NCOA7: variants seen among roughly 807,000 people sequenced by gnomAD.
NCOA7 encodes nuclear receptor coactivator 7.
In NCOA7, 45 loss-of-function variants were observed where a neutral mutation model predicts 104.3. The ratio of observed to expected loss-of-function variants is 0.43; its 90% CI spans 0.34 to 0.55. The LOEUF (loss-of-function observed/expected upper bound fraction) is 0.55, where lower values mean the gene tolerates loss of function less well. Ranked by LOEUF, NCOA7 falls within the 20% of genes least tolerant of loss-of-function variation. The pLI is 0.02. For missense variants in NCOA7, 1,041 were observed against 1,119.7 expected (o/e 0.93, Z 1.00); for synonymous variants, 398 against 402.3 (o/e 0.99, Z 0.13).
intron 1 of NCOA7, among the ~76,000 whole-genome samples, chr6:125,797,633 C>T (rs933262662): frequency 2.6e-5 from 4 of 152,190 alleles, no homozygotes; most frequent in African/African-American, 7.2e-5. Flanking sequence ...AGTGAGAGTG[C>T]TCTGAGTAGC....
chr6:125,792,255 C>T (rs922859496), intron 1 of NCOA7, among the ~76,000 whole-genome samples: 6 of 152,146 alleles, frequency 3.9e-5, no homozygotes, highest in Admixed American at 1.3e-4. Flanking sequence ...AATAGGCAAA[C>T]TCAGTTATTT....
Position 125,852,484 on chromosome 6 carries a change from C to T in NCOA7, c.51-2536C>T, listed in dbSNP as rs146692769. ...GCTGGGATTATAGGGTGAGCCACCGCGCCCAGCCCAGAAGAATTTTTACTA... is the reference window on the plus strand; with the variant it reads ...GCTGGGATTATAGGGTGAGCCACCGTGCCCAGCCCAGAAGAATTTTTACTA... On this transcript the variant is annotated intron_variant, in intron 2 of 15. Transcript: ENST00000392477. 1.6e-3 allele frequency among the ~76,000 whole-genome samples: 251 copies of T among 152,230 alleles called. 2 individuals are homozygous for T. Among genetic ancestry groups the T allele is most frequent in the Middle Eastern group, 3.4e-3 (1 of 294 alleles).
intron 3 of NCOA7, among the ~76,000 whole-genome samples, chr6:125,868,838 T>A (rs1372471369): frequency 1.3e-5 from 2 of 152,218 alleles, no homozygotes; most frequent in East Asian, 3.8e-4. Context: ...GAGTTACTGA[T>A]GGTCCTGTGC....
intron 2 of NCOA7, among the ~76,000 whole-genome samples, chr6:125,829,052 G>A (rs1778910287): frequency 6.6e-6 from 1 of 151,892 alleles, no homozygotes; most frequent in Admixed American, 6.6e-5. Flanking sequence ...TCTTCCATAA[G>A]AGAATTTTTT....
chr6:125,902,855 A>G (rs1194916109), intron 10 of NCOA7, among the ~76,000 whole-genome samples: 1 of 152,180 alleles, frequency 6.6e-6, no homozygotes, highest in Non-Finnish European at 1.5e-5. Context: ...CTATGTAAGC[A>G]TCTGTTTCTC....
chr6:125,821,320 G>A (rs968653465), intron 2 of NCOA7, among the ~76,000 whole-genome samples: 13 of 152,190 alleles, frequency 8.5e-5, no homozygotes, highest in Non-Finnish European at 7.4e-5. Flanking sequence ...ATACTCAAAG[G>A]GGTTGAATAA....
At chr6:125,821,165 A>G (rs1388558786) in intron 2 of NCOA7, among the ~76,000 whole-genome samples, 2 of 152,254 alleles carry the variant, frequency 1.3e-5, no homozygotes, top group East Asian at 3.9e-4. Flanking sequence ...ATCTTACCCC[A>G]GGGATGAGTA....
At chr6:125,808,601 C>A (rs749473972) in intron 1 of NCOA7, among the ~76,000 whole-genome samples, 1 of 152,138 alleles carries the variant, frequency 6.6e-6, no homozygotes, top group Non-Finnish European at 1.5e-5. Context: ...TACCAAACTG[C>A]CTTAAATGAT....
chr6:125,800,516 C>T (rs530131483), intron 1 of NCOA7, among the ~76,000 whole-genome samples: 24 of 152,252 alleles, frequency 1.6e-4, no homozygotes, highest in African/African-American at 5.3e-4. Context: ...AAGACCTTAC[C>T]GTTTCATAAC....
chr6:125,920,966 G>A lies in NCOA7; in HGVS notation c.2268G>A (p.Lys756=), dbSNP rs776127327. ...AGATCATCACTGTTGAAGAGGCAAA[G>A]CGCAGGAAGAGCACATGCAGCTACT... ...SWEIITVEEA[K]RRKSTCSYYE... Residue 756 remains lysine (K), a synonymous_variant, in exon 12 of 16, where the codon AAG becomes AAA. Transcript: ENST00000392477. The A allele has an allele frequency of 6.2e-7, 1 of 1,613,636 alleles. No individual in the cohort carries two copies. Among genetic ancestry groups the A allele is most frequent in the South Asian group, 1.1e-5 (1 of 91,084 alleles).
At chr6:125,816,354 G>A (rs769243396) in intron 2 of NCOA7, among the ~76,000 whole-genome samples, 9 of 152,112 alleles carry the variant, frequency 5.9e-5, no homozygotes, top group Admixed American at 1.3e-4. Flanking sequence ...CTATGACATC[G>A]GTTAATTTAT....
rs960556971 is a variant in NCOA7, at chr6:125,878,805, G to C, written c.459+435G>C. 2.0e-5 allele frequency among the ~76,000 whole-genome samples: 3 copies of C among 152,216 alleles called. No individual in the cohort carries two copies. The South Asian group carries it at 6.2e-4, about 32-fold the overall frequency. ...ACCTCAAATCCTGATTGGCATATGT[G>C]TTGGGAGCAAACCCAAAATTATTTT... On this transcript the variant is annotated intron_variant, in intron 5 of 15. Coordinates refer to ENST00000392477, the MANE Select transcript of NCOA7 (RefSeq NM_181782.5).
chr6:125,856,415 C>T (rs777210051), intron 3 of NCOA7, among the ~76,000 whole-genome samples: 27 of 151,992 alleles, frequency 1.8e-4, no homozygotes, highest in Non-Finnish European at 3.1e-4. Flanking sequence ...TGCAGTGGCG[C>T]GATCTCGGCT....
In NCOA7 at chr6:125,840,868, G is replaced by GTTTTTTTTTTTTTTTTTTTTTTTTTTTT. The variant is rs57168444; in HGVS notation, c.51-14137_51-14110dup. ...TTTTATGGTTTTTTTTGTTTGGTTG[G>GTTTTTTTTTTTTTTTTTTTTTTTTTTTT]TTTTTTTTTTTTTTTTTTTTTTTTT... On this transcript the variant is annotated intron_variant, in intron 2 of 15. Transcript: ENST00000392477. 2.5e-4 allele frequency among the ~76,000 whole-genome samples: 10 copies of GTTTTTTTTTTTTTTTTTTTTTTTTTTTT among 40,340 alleles called. 2 individuals carry two copies. Among genetic ancestry groups the GTTTTTTTTTTTTTTTTTTTTTTTTTTTT allele is most frequent in the Admixed American group, 8.8e-4 (2 of 2,260 alleles). The allele number at this position is 40,340 out of a possible 152,430, so 26.5% of individuals were successfully genotyped here. A position where few individuals can be genotyped will look rare whatever the true frequency, so the allele number is the denominator to read the frequency against.
At position 125,896,515 on chromosome 6, in the gene NCOA7, G is replaced by A. The variant is rs114052670; in HGVS notation, c.2096+5705G>A. The stretch of plus-strand genomic sequence containing the variant: ...TTTAATAAATAGATTTTATGGCTGG[G>A]CGTGGTACGTCATGCCTGTAATCCC... On this transcript the variant is annotated intron_variant, in intron 10 of 15. Coordinates refer to ENST00000392477, the MANE Select transcript of NCOA7 (RefSeq NM_181782.5). 3.8e-3 allele frequency among the ~76,000 whole-genome samples: 577 copies of A among 152,258 alleles called. 3 individuals carry two copies. Among genetic ancestry groups the A allele is most frequent in the African/African-American group, 0.013 (547 of 41,538 alleles).
At chr6:125,900,251 C>T (rs1487633504) in intron 10 of NCOA7, among the ~76,000 whole-genome samples, 2 of 152,164 alleles carry the variant, frequency 1.3e-5, no homozygotes, top group Non-Finnish European at 2.9e-5. Flanking sequence ...TATTAAATCT[C>T]CCCAGTTGTT....
intron 2 of NCOA7, among the ~76,000 whole-genome samples, chr6:125,850,232 AC>A (rs1230448899): frequency 6.6e-6 from 1 of 152,302 alleles, no homozygotes; most frequent in African/African-American, 2.4e-5. Flanking sequence ...TTCCAGAAAC[AC>A]ATCTGATTTC....
intron 1 of NCOA7, among the ~76,000 whole-genome samples, chr6:125,811,868 G>A (rs1178033556): frequency 6.6e-6 from 1 of 152,124 alleles, no homozygotes; most frequent in Non-Finnish European, 1.5e-5. Flanking sequence ...CGAATTCTGT[G>A]CTGCAGCATT....
At chr6:125,824,031 T>C (rs911319096) in intron 2 of NCOA7, among the ~76,000 whole-genome samples, 8 of 152,136 alleles carry the variant, frequency 5.3e-5, no homozygotes, top group Non-Finnish European at 7.3e-5. Flanking sequence ...TTTAGAGGAT[T>C]CCTTAATTGT....
Sources: gnomAD v4.1 joint callset for allele counts (sites outside exome capture counted in the v4.1 genomes callset) on GRCh38, gnomAD v4.1.1 for gene constraint, MANE v1.5 for transcripts, NCBI Gene and HGNC (gene_info 2026-07-23, HGNC 2026-07-21) for gene names.